Variants in PRIM2 observed in about 807,000 individuals in gnomAD.
The protein encoded by PRIM2 is DNA primase large subunit.
In PRIM2, 39 loss-of-function variants were observed where a neutral mutation model predicts 67.3. The ratio of observed to expected loss-of-function variants is 0.58; its 90% CI spans 0.45 to 0.76. The LOEUF (loss-of-function observed/expected upper bound fraction) is 0.76, where lower values mean the gene tolerates loss of function less well. Among genes scored for constraint, PRIM2 ranks in the 30% least tolerant of loss-of-function variants. The pLI is 0.00. For synonymous variants in PRIM2, 143 were observed against 198.7 expected (o/e 0.72, Z 2.36); for missense variants, 398 against 598.7 (o/e 0.66, Z 3.50).
chr6:57,573,321 A>G (rs1714235692), intron 10 of PRIM2, among the ~76,000 whole-genome samples: 3 of 152,206 alleles, frequency 2.0e-5, no homozygotes, highest in Non-Finnish European at 4.4e-5. Flanking sequence ...TTTTAAAGAA[A>G]GTTCGTCTAC....
At chr6:57,517,558 C>G (rs1331113101) in intron 8 of PRIM2, among the ~76,000 whole-genome samples, 55 of 152,112 alleles carry the variant, frequency 3.6e-4, no homozygotes. Context: ...ATTTTAATTT[C>G]AGCAACCAAT....
chr6:57,285,889 G>A, the PRIM2 span, among the ~76,000 whole-genome samples: 2 of 152,174 alleles, frequency 1.3e-5, no homozygotes, highest in African/African-American at 2.4e-5. Context: ...TCCTTAAGCT[G>A]ATAAAGAGCT....
At chr6:57,230,884 C>T in the PRIM2 span, among the ~76,000 whole-genome samples, 1 of 152,158 alleles carries the variant, frequency 6.6e-6, no homozygotes, top group Non-Finnish European at 1.5e-5. Context: ...ATGTCTCCAC[C>T]ACTGAGAAGC....
chr6:57,569,985 G>A (rs1775831593), intron 10 of PRIM2, among the ~76,000 whole-genome samples: 3 of 152,062 alleles, frequency 2.0e-5, no homozygotes, highest in Non-Finnish European at 4.4e-5. Flanking sequence ...CTCATGATCC[G>A]CCCGCCTTGG....
chr6:57,446,575 G>A (rs1467952362), intron 7 of PRIM2, among the ~76,000 whole-genome samples: 1 of 151,818 alleles, frequency 6.6e-6, no homozygotes, highest in African/African-American at 2.4e-5. Context: ...CACCATGCCT[G>A]GGGCTGCTTT....
At chr6:57,238,812 G>T in the PRIM2 span, among the ~76,000 whole-genome samples, 1 of 152,068 alleles carries the variant, frequency 6.6e-6, no homozygotes, top group East Asian at 1.9e-4. Context: ...TTGAGAGACC[G>T]CTAGCAAGAC....
chr6:57,237,455 A>G, the PRIM2 span, among the ~76,000 whole-genome samples: 1 of 152,124 alleles, frequency 6.6e-6, no homozygotes, highest in Non-Finnish European at 1.5e-5. Flanking sequence ...TTTTGTTGCC[A>G]TTGCTTTTGG....
intron 10 of PRIM2, among the ~76,000 whole-genome samples, chr6:57,561,991 T>C (rs1467917272): frequency 6.6e-6 from 1 of 152,152 alleles, no homozygotes; most frequent in Non-Finnish European, 1.5e-5. Context: ...TTTTTGTGTT[T>C]CTGGGAGTAG....
At chr6:57,615,420 C>CA (rs1159988256) in intron 12 of PRIM2, among the ~76,000 whole-genome samples, 1,372 of 107,160 alleles carry the variant, frequency 0.013, 16 homozygotes, top group African/African-American at 0.031. Flanking sequence ...GATTCTGTCT[C>CA]AAAAAAAAAA....
At chr6:57,265,570 G>T in the PRIM2 span, among the ~76,000 whole-genome samples, 8 of 152,180 alleles carry the variant, frequency 5.3e-5, no homozygotes, top group Non-Finnish European at 1.0e-4. Flanking sequence ...TGTAGACTTT[G>T]ACAATTCTAG....
rs1353805335 is a variant in PRIM2, at chr6:57,343,226, T to G, written c.459+17181T>G. 3.3e-5 allele frequency among the ~76,000 whole-genome samples: 5 copies of G among 152,306 alleles called. No homozygotes were observed. In the East Asian group the frequency reaches 9.6e-4, roughly 29 times the overall value. On this transcript the variant is annotated intron_variant, in intron 5 of 13. Transcript: ENST00000615550. ...TTTTTGATCATTTTGGCCCTTACTG[T>G]GTTGTTTTTATTGTTTATTGGTATA...
chr6:57,480,128 G>C (rs1773579188), intron 7 of PRIM2, among the ~76,000 whole-genome samples: 1 of 152,236 alleles, frequency 6.6e-6, no homozygotes, highest in South Asian at 2.1e-4. Context: ...CATGTGTTTA[G>C]AGTATGGCAA....
At chr6:57,623,913 CT>C (rs1161111069) in intron 12 of PRIM2, among the ~76,000 whole-genome samples, 1 of 152,042 alleles carries the variant, frequency 6.6e-6, no homozygotes, top group Non-Finnish European at 1.5e-5. Context: ...ACATTAGCTT[CT>C]GTTTTCAATA....
intron 7 of PRIM2, among the ~76,000 whole-genome samples, chr6:57,425,122 G>A (rs1771579768): frequency 6.6e-6 from 1 of 151,988 alleles, no homozygotes; most frequent in Non-Finnish European, 1.5e-5. Context: ...TATGTTCTGT[G>A]TCTATCTAGT....
At chr6:57,261,850 A>T in the PRIM2 span, among the ~76,000 whole-genome samples, 1 of 152,184 alleles carries the variant, frequency 6.6e-6, no homozygotes. Flanking sequence ...AGGTCTCACC[A>T]GCTCTCACCA....
At chr6:57,643,528 G>C (rs1342468734) in intron 13 of PRIM2, among the ~76,000 whole-genome samples, 3 of 152,120 alleles carry the variant, frequency 2.0e-5, no homozygotes, top group Non-Finnish European at 4.4e-5. Context: ...TCTAATCTCT[G>C]ATTCTCTGTT....
At chr6:57,637,246 T>C (rs1174152001) in intron 13 of PRIM2, among the ~76,000 whole-genome samples, 1 of 152,156 alleles carries the variant, frequency 6.6e-6, no homozygotes, top group Non-Finnish European at 1.5e-5. Flanking sequence ...AGAAACCCCA[T>C]GCAAAGTTCA....
Position 57,382,039 on chromosome 6 carries a change from T to A in PRIM2, c.564T>A (p.Phe188Leu). 1 of 1,610,126 alleles carries A rather than the reference T, an allele frequency of 6.2e-7. No homozygotes were observed. Among genetic ancestry groups the A allele is most frequent in the Non-Finnish European group, 8.5e-7 (1 of 1,177,720 alleles). Residue 188 changes from phenylalanine (F) to leucine (L), a missense_variant, in exon 7 of 14, where the codon TTT (phenylalanine) becomes TTA (leucine). Physicochemically the swap from Phe to Leu is conservative, Grantham distance 22 (BLOSUM62 0). This residue lies in a region of PRIM2 where 229 missense variants were observed against 383.6 expected (regional missense o/e 0.60). Coordinates refer to ENST00000615550, the MANE Select transcript of PRIM2 (RefSeq NM_000947.5). ...LGFESIYKIP[F>L]ADALDLFRGR... Reference sequence around the variant, plus strand: ...TTTTACTCTTAATTCAGATCCCTTTTGCTGATGCTCTGGATTTGTTTCGAG... The same window carrying A: ...TTTTACTCTTAATTCAGATCCCTTTAGCTGATGCTCTGGATTTGTTTCGAG...
intron 5 of PRIM2, among the ~76,000 whole-genome samples, chr6:57,360,682 T>C (rs1005442647): frequency 6.6e-6 from 1 of 152,162 alleles, no homozygotes; most frequent in Non-Finnish European, 1.5e-5. Flanking sequence ...TGTATCACTT[T>C]TGGATTGTAA....
Sources: allele counts gnomAD v4.1 joint callset (sites outside exome capture counted in the v4.1 genomes callset), GRCh38; gene constraint gnomAD v4.1.1; regional missense constraint gnomAD v4.1.1; transcripts MANE v1.5; gene names NCBI Gene and HGNC (gene_info 2026-07-23, HGNC 2026-07-21).